RET: variants seen among roughly 807,000 people sequenced by gnomAD.
RET encodes proto-oncogene tyrosine-protein kinase receptor Ret.
RET carries 19 observed loss-of-function variants against 118.3 expected under a neutral mutation model. The observed-to-expected ratio is 0.16, with a 90% CI of 0.11 to 0.24. The LOEUF (loss-of-function observed/expected upper bound fraction) is 0.24, where lower values mean the gene tolerates loss of function less well. RET is among the 10% of genes least tolerant of loss of function. The pLI, the probability that RET is intolerant of heterozygous loss-of-function variation, is 1.00. For synonymous variants in RET, 597 were observed against 644.1 expected, an observed-to-expected ratio of 0.93 and a Z score of 1.11; for missense variants, 1,219 against 1,502.1, an observed-to-expected ratio of 0.81 and a Z score of 3.12.
At chr10:43,123,630 G>A (rs1838266019) in intron 16 of RET, 41 bp from the exon 17 acceptor site, 4 of 1,613,580 alleles carry the variant, frequency 2.5e-6, no homozygotes, top group Non-Finnish European at 3.4e-6. Flanking sequence ...GCTCTGTGAG[G>A]GCCAGGTGGA....
In RET at chr10:43,090,453, C is replaced by T. The variant is rs1289902070; in HGVS notation, c.74-10006C>T. Among the ~76,000 whole-genome samples the T allele has an allele frequency of 3.3e-5, 5 of 152,118 alleles. No individual in the cohort carries two copies. In the South Asian group the frequency reaches 6.2e-4, roughly 19 times the overall value. On this transcript the variant is annotated intron_variant, in intron 1 of 19. Coordinates refer to ENST00000355710, the MANE Select transcript of RET (RefSeq NM_020975.6). ...GAGACTGGGCCGCTTCTGGGCGCTG[C>T]CTCCTCTGCTGAGGCCTCAGATGGG...
At position 43,112,271 on chromosome 10, in the gene RET, C is replaced by T. The variant is rs137972529; in HGVS notation, c.1648+47C>T. On this transcript the variant is annotated intron_variant, in intron 8 of 19. Transcript: ENST00000355710. The stretch of plus-strand genomic sequence containing the variant: ...GGGAGGCCTGCAGGGGCGATGGCAC[C>T]GGTGGAAACGGGGTCCTGGGGCCCT... The T allele has an allele frequency of 9.3e-5, 143 of 1,545,464 alleles. 1 individual carries two copies. In the African/African-American group the frequency reaches 1.0e-3, roughly 11 times the overall value.
At chr10:43,119,310 G>A (rs1417779934) in intron 13 of RET, among the ~76,000 whole-genome samples, 2 of 152,186 alleles carry the variant, frequency 1.3e-5, no homozygotes, top group Non-Finnish European at 2.9e-5. Context: ...GCACCCACAC[G>A]AGCAGCAGGA....
intron 18 of RET, 109 bp from the exon 19 acceptor site, chr10:43,126,466 G>A (rs1025926691): frequency 1.1e-5 from 11 of 983,422 alleles, no homozygotes; most frequent in South Asian, 3.8e-5. Flanking sequence ...AGATTGGTGC[G>A]AGGTGGAGAC....
chr10:43,128,459 C>G lies in RET; in HGVS notation c.*190C>G. On this transcript the variant is annotated 3_prime_UTR_variant, in exon 20 of 20. Transcript: ENST00000355710. ...CTTCTGATAGCCGGTGATTTTCCCT[C>G]CTAGCAGACATGCCACACCGGGTAA... 5.9e-6 allele frequency: 4 copies of G among 675,134 alleles called. No individual in the cohort carries two copies. The highest frequency in any genetic ancestry group is 1.1e-5 in the Non-Finnish European group (4 of 379,676). The allele number at this position is 675,134 out of a possible 1,614,324, so 41.8% of individuals were successfully genotyped here.
intron 13 of RET, among the ~76,000 whole-genome samples, chr10:43,119,273 G>T (rs908669506): frequency 6.6e-6 from 1 of 152,208 alleles, no homozygotes; most frequent in Non-Finnish European, 1.5e-5. Context: ...GGGCAGTGTC[G>T]CCTGCCTCAG....
At chr10:43,123,063 G>C (rs1421595172) in intron 16 of RET, among the ~76,000 whole-genome samples, 1 of 152,230 alleles carries the variant, frequency 6.6e-6, no homozygotes, top group Non-Finnish European at 1.5e-5. Context: ...GTGACCTCTG[G>C]CTGCCCTCTG....
chr10:43,112,306 G>A, intron 8 of RET, 82 bp downstream of exon 8: 1 of 1,450,186 alleles, frequency 6.9e-7, no homozygotes, highest in Non-Finnish European at 9.1e-7. Flanking sequence ...TGCCAGCCTG[G>A]GGTGGCTCTC....
intron 1 of RET, among the ~76,000 whole-genome samples, chr10:43,079,618 C>A (rs943004322): frequency 6.6e-6 from 1 of 152,198 alleles, no homozygotes; most frequent in Non-Finnish European, 1.5e-5. Flanking sequence ...AGCCTCTTGT[C>A]TCTTGTCTTC....
chr10:43,085,625 C>G (rs145582995), intron 1 of RET, among the ~76,000 whole-genome samples: 175 of 152,266 alleles, frequency 1.1e-3, no homozygotes, highest in Non-Finnish European at 1.8e-3. Flanking sequence ...GAGGAGCTTA[C>G]ACATCAGTGC....
intron 12 of RET, 31 bp downstream of exon 12, chr10:43,116,762 G>T (rs1352379309): frequency 6.6e-7 from 1 of 1,516,510 alleles, no homozygotes; most frequent in Non-Finnish European, 9.1e-7. Context: ...CAGTGCCCCT[G>T]GGGGAGTCTC....
At position 43,102,817 on chromosome 10, in the gene RET, T is replaced by C. The variant is rs1429062517; in HGVS notation, c.625+188T>C. 11 of 689,198 alleles carry C rather than the reference T, an allele frequency of 1.6e-5. No homozygotes were observed. In the African/African-American group the frequency reaches 2.0e-4, roughly 12 times the overall value. 42.7% of individuals were successfully genotyped at this position (689,198 alleles called of 1,614,324 possible). A position where few individuals can be genotyped will look rare whatever the true frequency, so the allele number is the denominator to read the frequency against. On this transcript the variant is annotated intron_variant, in intron 3 of 19. Transcript: ENST00000355710. ...GTTCTAGGAGCTAAGGATATAACAATGAACACAACGGGTTGGAATCTTGCC... is the reference window on the plus strand; with the variant it reads ...GTTCTAGGAGCTAAGGATATAACAACGAACACAACGGGTTGGAATCTTGCC...
chr10:43,126,653 C>G lies in RET; in HGVS notation c.3118C>G (p.Leu1040Val), dbSNP rs1838337065. The G allele has an allele frequency of 6.2e-7, 1 of 1,614,004 alleles. No individual in the cohort carries two copies. The highest frequency in any genetic ancestry group is 1.1e-5 in the South Asian group (1 of 91,082). The change falls in exon 19 of 20, where the codon CTG becomes GTG. Residue 1040 changes from leucine to valine, a missense_variant. Physicochemically the swap from Leu to Val is conservative, Grantham distance 32. This residue lies in a region of RET where 174 missense variants were observed against 179.3 expected (regional missense o/e 0.97). Coordinates refer to ENST00000355710, the MANE Select transcript of RET (RefSeq NM_020975.6). ...CGGCCTCTCAGAGGAGGAGACACCGCTGGTGGACTGTAATAATGCCCCCCT... is the reference window on the plus strand; with the variant it reads ...CGGCCTCTCAGAGGAGGAGACACCGGTGGTGGACTGTAATAATGCCCCCCT... The part of the protein sequence containing the change: ...DDGLSEEETP[L>V]VDCNNAPLPR...
At position 43,128,247 on chromosome 10, in the gene RET, T is replaced by A. The variant is rs774465548; in HGVS notation, c.3323T>A (p.Leu1108Ter). The A allele has an allele frequency of 1.2e-6, 2 of 1,614,170 alleles. No individual in the cohort carries two copies. The highest frequency in any genetic ancestry group is 1.7e-6 in the Non-Finnish European group (2 of 1,180,038). Residue 1108 changes from leucine to a stop codon, truncating the protein, a stop_gained, in exon 20 of 20, where the codon TTA becomes TAA. Transcript: ENST00000355710. LOFTEE classifies it high-confidence loss of function. ...ATGCTTTCACCCTCAGCGGCAAAAT[T>A]AATGGACACGTTTGATAGTTAACAT... ...NWMLSPSAAK[L>*]MDTFDS
rs140638866 is a variant in RET at position 43,109,168 on chromosome 10, A to G, written c.1201A>G (p.Ser401Gly). Residue 401 changes from serine (S) to glycine (G), a missense_variant, in exon 6 of 20, where the codon AGC (serine) becomes GGC (glycine). Transcript: ENST00000355710. ...LHFNVSVLPV[S>G]LHLPSTYSLS... ...CTTCAACGTGTCGGTGCTGCCGGTC[A>G]GCCTGCACCTGCCCAGTACCTACTC... 1 of 1,613,896 alleles carries G rather than the reference A, an allele frequency of 6.2e-7. No individual in the cohort carries two copies. Among genetic ancestry groups the G allele is most frequent in the Non-Finnish European group, 8.5e-7 (1 of 1,180,032 alleles).
intron 16 of RET, 80 bp downstream of exon 16, chr10:43,122,096 G>A (rs922169375): frequency 3.5e-6 from 4 of 1,129,172 alleles, no homozygotes; most frequent in African/African-American, 1.5e-5. Context: ...ACGCCCGTCT[G>A]TGCAGCTTGG....
intron 14 of RET, 76 bp from the exon 15 acceptor site, chr10:43,120,005 C>T (rs2132956026): frequency 6.3e-7 from 1 of 1,594,036 alleles, no homozygotes; most frequent in Middle Eastern, 2.0e-4. Context: ...CACCCCTCTG[C>T]TGGTCACACC....
At chr10:43,086,218 C>T (rs1309907139) in intron 1 of RET, among the ~76,000 whole-genome samples, 1 of 152,184 alleles carries the variant, frequency 6.6e-6, no homozygotes, top group Non-Finnish European at 1.5e-5. Flanking sequence ...GATGGGAATC[C>T]TCATGGTCCC....
Position 43,129,204 on chromosome 10 carries a change from C to T in RET, c.*935C>T, listed in dbSNP as rs886047003. On this transcript the variant is annotated 3_prime_UTR_variant, in exon 20 of 20. Coordinates refer to ENST00000355710, the MANE Select transcript of RET (RefSeq NM_020975.6). ...CCAAGTAGAGGCGAAAGCAGTGGCT[C>T]ATCCTACCTGTTAGGAGCAGGTAGG... is the stretch of plus-strand genomic sequence containing the variant. 4.3e-6 allele frequency: 1 copy of T among 233,498 alleles called. No individual in the cohort carries two copies. Among genetic ancestry groups the T allele is most frequent in the Non-Finnish European group, 8.5e-6 (1 of 118,038 alleles). 14.5% of individuals were successfully genotyped at this position (233,498 alleles called of 1,614,324 possible).
Sources: gnomAD v4.1 joint callset for allele counts (sites outside exome capture counted in the v4.1 genomes callset) on GRCh38, gnomAD v4.1.1 for gene constraint, gnomAD v4.1.1 regional missense constraint, MANE v1.5 for transcripts, NCBI Gene and HGNC (gene_info 2026-07-23, HGNC 2026-07-21) for gene names.